The following PAPPA variants were observed in gnomAD, a reference collection of about 807,000 sequenced individuals.
PAPPA encodes pappalysin 1.
A neutral mutation model predicts 164.0 loss-of-function variants in PAPPA; 60 were observed. The observed-to-expected ratio is 0.37, with a 90% confidence interval of 0.30 to 0.45. The LOEUF (loss-of-function observed/expected upper bound fraction) is 0.45. Among genes scored for constraint, PAPPA ranks in the 20% least tolerant of loss-of-function variants. PAPPA has a pLI of 1.00. For synonymous variants in PAPPA, 875 were observed against 814.1 expected (o/e 1.07, Z -1.27); for missense variants, 1,782 against 2,087.3 (o/e 0.85, Z 2.85).
intron 13 of PAPPA, among the ~76,000 whole-genome samples, chr9:116,335,510 C>T (rs1315785501): frequency 6.6e-6 from 1 of 152,136 alleles, no homozygotes; most frequent in Non-Finnish European, 1.5e-5. Flanking sequence ...GTATTTGCAT[C>T]ATCCTAGTTC....
intron 21 of PAPPA, among the ~76,000 whole-genome samples, chr9:116,391,196 C>T (rs1588033291): frequency 6.6e-6 from 1 of 152,356 alleles, no homozygotes; most frequent in East Asian, 1.9e-4. Context: ...AAACAAGCTT[C>T]GTATACATTA....
At chr9:116,309,052 T>C (rs1013046944) in intron 10 of PAPPA, among the ~76,000 whole-genome samples, 1 of 152,094 alleles carries the variant, frequency 6.6e-6, no homozygotes, top group African/African-American at 2.4e-5. Flanking sequence ...TGAAAGGGAA[T>C]TGTAAGATGT....
At chr9:116,263,031 A>T (rs1448710406) in intron 7 of PAPPA, among the ~76,000 whole-genome samples, 22 of 152,132 alleles carry the variant, frequency 1.4e-4, no homozygotes. Context: ...TACCCATCCC[A>T]CTGTCCCCAC....
rs369698733 is a variant in PAPPA at position 116,268,773 on chromosome 9, T to C, written c.2862-2552T>C. On this transcript the variant is annotated intron_variant, in intron 8 of 21. Transcript: ENST00000328252. ...CATCAAACACATGTTCAGTTACCTG[T>C]AGATATCAAATATTTGTTGATATAC... 1.8e-4 allele frequency among the ~76,000 whole-genome samples: 27 copies of C among 147,522 alleles called. No homozygotes were observed. In the East Asian group the frequency reaches 4.2e-3, roughly 23 times the overall value.
At chr9:116,205,896 C>G (rs1216934049) in intron 2 of PAPPA, among the ~76,000 whole-genome samples, 1 of 152,118 alleles carries the variant, frequency 6.6e-6, no homozygotes, top group Non-Finnish European at 1.5e-5. Flanking sequence ...AAGCTGGATT[C>G]AAAACCTAGG....
chr9:116,336,779 T>C (rs1249710003), intron 13 of PAPPA, among the ~76,000 whole-genome samples: 1 of 152,194 alleles, frequency 6.6e-6, no homozygotes, highest in Non-Finnish European at 1.5e-5. Context: ...GTCATTCCCC[T>C]TCTCTGGGCC....
chr9:116,395,579 A>ATAGAT (rs1846951865), intron 21 of PAPPA, among the ~76,000 whole-genome samples: 1 of 152,220 alleles, frequency 6.6e-6, no homozygotes, highest in African/African-American at 2.4e-5. Context: ...CTTTGGAAAG[A>ATAGAT]TAGATTATCT....
In PAPPA at chr9:116,237,720, C is replaced by CT. The variant is rs545555923; in HGVS notation, c.2732+2096dup. Among the ~76,000 whole-genome samples the CT allele has an allele frequency of 2.1e-3, 306 of 145,082 alleles. 2 individuals are homozygous for CT. Among genetic ancestry groups the CT allele is most frequent in the South Asian group, 0.015 (70 of 4,556 alleles). On this transcript the variant is annotated intron_variant, in intron 7 of 21. Coordinates refer to ENST00000328252, the MANE Select transcript of PAPPA (RefSeq NM_002581.5). ...GCACTGGATTAATTCTTCTCTCTCT[C>CT]TTTTTTTTTTTTTCTTTCCAAGACA...
At chr9:116,322,802 G>A (rs1845875779) in intron 10 of PAPPA, among the ~76,000 whole-genome samples, 2 of 151,936 alleles carry the variant, frequency 1.3e-5, no homozygotes, top group East Asian at 3.9e-4. Context: ...GTGTGTGTCT[G>A]TGTTTGTGTG....
At chr9:116,396,430 T>C in intron 21 of PAPPA, 79 bp from the exon 22 acceptor site, 1 of 764,086 alleles carries the variant, frequency 1.3e-6, no homozygotes. Context: ...AATCCAGTGA[T>C]TGTATCCCTG....
At chr9:116,289,400 A>G (rs1306887804) in intron 9 of PAPPA, among the ~76,000 whole-genome samples, 24 of 94,914 alleles carry the variant, frequency 2.5e-4, no homozygotes, top group African/African-American at 7.8e-4. Flanking sequence ...ATATAGCTAT[A>G]TATATATAGC....
At position 116,201,596 on chromosome 9, in the gene PAPPA, G is replaced by A. The variant is rs150562178; in HGVS notation, c.1479-5860G>A. Among the ~76,000 whole-genome samples, 189 of 152,276 alleles carry A rather than the reference G, an allele frequency of 1.2e-3. 1 individual carries two copies. Among genetic ancestry groups the A allele is most frequent in the African/African-American group, 4.3e-3 (177 of 41,554 alleles). On this transcript the variant is annotated intron_variant, in intron 2 of 21. Coordinates refer to ENST00000328252, the MANE Select transcript of PAPPA (RefSeq NM_002581.5). Reference sequence around the variant, plus strand: ...ATTCTGCATCTCGAGGGTTTTTCATGAGTTGGGTACTCTTCTAGGCATTTC... The same window carrying A: ...ATTCTGCATCTCGAGGGTTTTTCATAAGTTGGGTACTCTTCTAGGCATTTC...
chr9:116,294,170 A>T (rs1157730217), intron 9 of PAPPA, among the ~76,000 whole-genome samples: 4 of 151,984 alleles, frequency 2.6e-5, no homozygotes, highest in Middle Eastern at 6.8e-3. Context: ...TGATAATGTG[A>T]TTACTTCCAG....
chr9:116,260,500 C>T (rs1273117008), intron 7 of PAPPA, among the ~76,000 whole-genome samples: 1 of 152,182 alleles, frequency 6.6e-6, no homozygotes, highest in Non-Finnish European at 1.5e-5. Flanking sequence ...CACTGGAATA[C>T]TTGGACTCTT....
chr9:116,333,944 C>T (rs1846026079), intron 12 of PAPPA, among the ~76,000 whole-genome samples: 1 of 152,184 alleles, frequency 6.6e-6, no homozygotes, highest in Admixed American at 6.5e-5. Context: ...GAGAAGGGCA[C>T]CTGCTTCAGG....
At chr9:116,258,971 T>C (rs764759458) in intron 7 of PAPPA, among the ~76,000 whole-genome samples, 62 of 151,734 alleles carry the variant, frequency 4.1e-4, no homozygotes, top group Middle Eastern at 3.4e-3. Context: ...CCATCTCTAC[T>C]AAAAATATAA....
At chr9:116,269,454 C>G (rs188861510) in intron 8 of PAPPA, among the ~76,000 whole-genome samples, 8 of 152,254 alleles carry the variant, frequency 5.3e-5, no homozygotes, top group Non-Finnish European at 8.8e-5. Context: ...AAGACTCTGT[C>G]ACTTCCTTTG....
chr9:116,302,389 CT>C (rs2118890399), intron 9 of PAPPA, among the ~76,000 whole-genome samples: 1 of 152,200 alleles, frequency 6.6e-6, no homozygotes, highest in Admixed American at 6.5e-5. Flanking sequence ...CCATTTCCTC[CT>C]CCCCCGAGAT....
intron 10 of PAPPA, among the ~76,000 whole-genome samples, chr9:116,307,333 C>CT (rs1845659111): frequency 6.6e-6 from 1 of 152,284 alleles, no homozygotes; most frequent in South Asian, 2.1e-4. Context: ...GGCACGGTGG[C>CT]TCACGCTTGT....
Sources: gnomAD v4.1 joint callset for allele counts (sites outside exome capture counted in the v4.1 genomes callset) on GRCh38, gnomAD v4.1.1 for gene constraint, MANE v1.5 for transcripts, NCBI Gene and HGNC (gene_info 2026-07-23, HGNC 2026-07-21) for gene names.